CYBRD1: variants seen among roughly 807,000 people sequenced by gnomAD.
The protein encoded by CYBRD1 is plasma membrane ascorbate-dependent reductase CYBRD1.
In CYBRD1, 14 loss-of-function variants were observed where a neutral mutation model predicts 21.9. The ratio of observed to expected loss-of-function variants is 0.64; its 90% CI spans 0.42 to 1.00. The LOEUF is 1.00. Ranked by LOEUF, CYBRD1 falls within the 50% of genes least tolerant of loss-of-function variation. The pLI is 0.00. For synonymous variants in CYBRD1, 146 were observed against 136.5 expected (o/e 1.07, Z -0.48); for missense variants, 328 against 352.5 (o/e 0.93, Z 0.56).
chr2:171,528,945 T>G (rs1697423876), intron 1 of CYBRD1, among the ~76,000 whole-genome samples: 1 of 152,224 alleles, frequency 6.6e-6, no homozygotes, highest in South Asian at 2.1e-4. Flanking sequence ...CAAAATACAG[T>G]ATTATCTAAA....
rs887101271 is a variant in CYBRD1 at position 171,556,545 on chromosome 2, T to A, written c.*1718T>A. 1 of 152,214 alleles carries A rather than the reference T, an allele frequency of 6.6e-6. No homozygotes were observed. The highest frequency in any genetic ancestry group is 1.5e-5 in the Non-Finnish European group (1 of 68,040). The allele number at this position is 152,214 out of a possible 1,614,324, so 9.4% of individuals were successfully genotyped here. On this transcript the variant is annotated 3_prime_UTR_variant, in exon 4 of 4. Transcript: ENST00000321348. Reference sequence around the variant, plus strand: ...TCTACACCAAATACACTAAACATTTTGGTGCTTAGTGGATTTCTTTTTAGG... The same window carrying A: ...TCTACACCAAATACACTAAACATTTAGGTGCTTAGTGGATTTCTTTTTAGG...
intron 1 of CYBRD1, among the ~76,000 whole-genome samples, chr2:171,528,846 C>T (rs527541692): frequency 2.6e-5 from 4 of 152,306 alleles, no homozygotes; most frequent in South Asian, 4.1e-4. Context: ...TCCTTGTAGT[C>T]GTTCAGGACG....
intron 2 of CYBRD1, among the ~76,000 whole-genome samples, chr2:171,550,734 T>G (rs1434319070): frequency 6.6e-6 from 1 of 152,120 alleles, no homozygotes; most frequent in Non-Finnish European, 1.5e-5. Context: ...GTAAGCAAAT[T>G]TCTGACCTCC....
At chr2:171,546,705 G>A (rs554685790) in intron 2 of CYBRD1, among the ~76,000 whole-genome samples, 10 of 152,252 alleles carry the variant, frequency 6.6e-5, no homozygotes, top group African/African-American at 2.4e-4. Flanking sequence ...AGTGTTCTGG[G>A]AGGCCTCTCA....
chr2:171,529,677 A>C (rs1229085258), intron 1 of CYBRD1, among the ~76,000 whole-genome samples: 1 of 152,156 alleles, frequency 6.6e-6, no homozygotes, highest in Admixed American at 6.5e-5. Flanking sequence ...TTGCAGCAGC[A>C]GTCATCATAG....
At position 171,555,181 on chromosome 2, in the gene CYBRD1, G is replaced by A. The variant is rs1683462796; in HGVS notation, c.*354G>A. 2 of 295,562 alleles carry A rather than the reference G, an allele frequency of 6.8e-6. No homozygotes were observed. Among genetic ancestry groups the A allele is most frequent in the Admixed American group, 9.7e-5 (2 of 20,684 alleles). 18.3% of individuals were successfully genotyped at this position (295,562 alleles called of 1,614,324 possible). ...GGCAGCATCCCTGGCCTGTTGTCAT[G>A]CAGTCATTTCCTGTTAATTCTGGGA... On this transcript the variant is annotated 3_prime_UTR_variant, in exon 4 of 4. Coordinates refer to ENST00000321348, the MANE Select transcript of CYBRD1 (RefSeq NM_024843.4).
chr2:171,550,823 A>G (rs920064410), intron 2 of CYBRD1, among the ~76,000 whole-genome samples: 2 of 152,074 alleles, frequency 1.3e-5, no homozygotes, highest in African/African-American at 2.4e-5. Flanking sequence ...GAGAAAACAG[A>G]AAGAATCTTA....
chr2:171,546,808 A>G (rs1559319465), intron 2 of CYBRD1, among the ~76,000 whole-genome samples: 1 of 152,038 alleles, frequency 6.6e-6, no homozygotes, highest in Non-Finnish European at 1.5e-5. Flanking sequence ...AAGGGCGGAG[A>G]GTCTTCTAGG....
At chr2:171,552,496 C>T (rs1417546200) in intron 2 of CYBRD1, among the ~76,000 whole-genome samples, 2 of 152,126 alleles carry the variant, frequency 1.3e-5, no homozygotes, top group African/African-American at 4.8e-5. Context: ...GTGCTTTCTC[C>T]CCACTCTCCT....
chr2:171,533,665 CA>C (rs1441762740), intron 1 of CYBRD1, among the ~76,000 whole-genome samples: 4 of 152,084 alleles, frequency 2.6e-5, no homozygotes, highest in African/African-American at 9.7e-5. Context: ...AAGCTGGTGT[CA>C]AACCAGAGAT....
In CYBRD1 at chr2:171,522,745, G is replaced by C. The variant is rs558005396; in HGVS notation, c.193+7G>C. The C allele has an allele frequency of 6.2e-7, 1 of 1,613,370 alleles. No homozygotes were observed. Among genetic ancestry groups the C allele is most frequent in the African/African-American group, 1.3e-5 (1 of 75,046 alleles). On this transcript the variant is annotated splice_region_variant and intron_variant, in intron 1 of 3. Transcript: ENST00000321348. The surrounding 1 kb of genome is among the most constrained non-coding windows in gnomAD (Gnocchi z 4.3). The stretch of plus-strand genomic sequence containing the variant: ...GTCTTCATCCAGGGCATCGGTACTG[G>C]CACCTCCTGGGGGGGTGCGGGGAGG...
intron 1 of CYBRD1, among the ~76,000 whole-genome samples, chr2:171,528,719 C>T (rs1342197945): frequency 6.6e-6 from 1 of 152,230 alleles, no homozygotes; most frequent in East Asian, 1.9e-4. Flanking sequence ...TTTGCCTACT[C>T]AAACTCTCTA....
At chr2:171,531,601 A>G (rs1382279594) in intron 1 of CYBRD1, among the ~76,000 whole-genome samples, 2 of 152,000 alleles carry the variant, frequency 1.3e-5, no homozygotes. Flanking sequence ...GAACCACCGC[A>G]CCGTCCCAGC....
At chr2:171,531,154 C>CAAAA (rs5836342) in intron 1 of CYBRD1, among the ~76,000 whole-genome samples, 37 of 114,662 alleles carry the variant, frequency 3.2e-4, no homozygotes, top group African/African-American at 7.1e-4. Flanking sequence ...GACCCTGTCT[C>CAAAA]AAAAAAAAAA....
intron 1 of CYBRD1, among the ~76,000 whole-genome samples, chr2:171,530,917 C>G (rs755308877): frequency 2.6e-4 from 39 of 152,050 alleles, no homozygotes; most frequent in Non-Finnish European, 5.1e-4. Context: ...TGGCTCATGC[C>G]TGTAATCCCA....
At position 171,522,812 on chromosome 2, in the gene CYBRD1, C is replaced by G; in HGVS notation, c.193+74C>G. 1.3e-6 allele frequency: 2 copies of G among 1,593,380 alleles called. No homozygotes were observed. Among genetic ancestry groups the G allele is most frequent in the Admixed American group, 1.8e-5 (1 of 56,450 alleles). On this transcript the variant is annotated intron_variant, in intron 1 of 3. Transcript: ENST00000321348. This position sits in a 1 kb window ranked among gnomAD's most constrained non-coding sequence, Gnocchi z 4.3. ...CGGGGGCAGAGGGTCCTCCGTGAAG[C>G]CCCTTCCAGCTGAGGAAGTGCTGGA...
rs763795766 is a variant in CYBRD1 at position 171,553,364 on chromosome 2, GT to G, written c.422del (p.Val141AlafsTer30). The G allele has an allele frequency of 1.2e-6, 2 of 1,613,570 alleles. No homozygotes were observed. The highest frequency in any genetic ancestry group is 1.7e-6 in the Non-Finnish European group (2 of 1,179,672). ...YLLQLLSGFS[V>X]FLLPWAPLSL... ...TGTTTAGCTTCTTTCAGGTTTTTCA[GT>G]CTTTCTGCTTCCATGGGCTCCGCTT... On this transcript the variant is annotated frameshift_variant, in exon 3 of 4. Coordinates refer to ENST00000321348, the MANE Select transcript of CYBRD1 (RefSeq NM_024843.4). LOFTEE classifies it high-confidence loss of function.
chr2:171,552,883 T>C (rs750187102), intron 2 of CYBRD1, among the ~76,000 whole-genome samples: 32 of 150,326 alleles, frequency 2.1e-4, no homozygotes, highest in Non-Finnish European at 3.7e-4. Flanking sequence ...TTAAAAAATC[T>C]TTTCCTTCCC....
At chr2:171,525,949 A>T (rs1382166111) in intron 1 of CYBRD1, among the ~76,000 whole-genome samples, 1 of 12,970 alleles carries the variant, frequency 7.7e-5, no homozygotes, top group East Asian at 0.01. Flanking sequence ...CTCCCGTCTA[A>T]AAAAAAAAAA....
Sources: allele counts gnomAD v4.1 joint callset (sites outside exome capture counted in the v4.1 genomes callset), GRCh38; gene constraint gnomAD v4.1.1; non-coding constraint Gnocchi (gnomAD v3.1); transcripts MANE v1.5; gene names NCBI Gene and HGNC (gene_info 2026-07-23, HGNC 2026-07-21).